N4BP2L1: variants seen among roughly 807,000 people sequenced by gnomAD.
The protein encoded by N4BP2L1 is NEDD4 binding protein 2 like 1, also known as NEDD4-binding protein 2-like 1.
Under a neutral mutation model 21.2 loss-of-function variants are expected in N4BP2L1, and 12 were observed. The ratio of observed to expected loss-of-function variants is 0.57; its 90% CI spans 0.36 to 0.92. The LOEUF is 0.92. Ranked by LOEUF, N4BP2L1 falls within the 40% of genes least tolerant of loss-of-function variation. The pLI, the probability that N4BP2L1 is intolerant of heterozygous loss-of-function variation, is 0.01. For missense variants in N4BP2L1, 259 were observed against 310.6 expected, an observed-to-expected ratio of 0.83 and a Z score of 1.25; for synonymous variants, 104 against 112.8, an observed-to-expected ratio of 0.92 and a Z score of 0.49.
In N4BP2L1 at chr13:32,403,168, AT is replaced by A; in HGVS notation, c.505del (p.Ile169SerfsTer4). 1.9e-6 allele frequency: 3 copies of A among 1,608,784 alleles called. No individual in the cohort carries two copies. The highest frequency in any genetic ancestry group is 2.5e-6 in the Non-Finnish European group (3 of 1,176,950). On this transcript the variant is annotated frameshift_variant, in exon 5 of 5. Transcript: ENST00000380130. LOFTEE classifies it low-confidence loss of function (END_TRUNC). The part of the protein sequence containing the change: ...RNIHGVSREK[I>X]HRMKERYEHD... ...TTCATACCGTTCTTTCATTCGGTGG[AT>A]TTTTTCTCTTGAGACACCATGAATG... is the stretch of plus-strand genomic sequence containing the variant.
chr13:32,411,820 T>G, intron 1 of N4BP2L1: 1 of 965,186 alleles, frequency 1.0e-6, no homozygotes, highest in Non-Finnish European at 1.2e-6. Context: ...CTTCAGCCAG[T>G]CAGTCACTCA....
At chr13:32,426,341 T>C (rs2074761937) in intron 1 of N4BP2L1, among the ~76,000 whole-genome samples, 1 of 152,186 alleles carries the variant, frequency 6.6e-6, no homozygotes, top group African/African-American at 2.4e-5. Context: ...GTAACAGATT[T>C]ACCCACCATG....
chr13:32,403,176 T>C lies in N4BP2L1; in HGVS notation c.498A>G (p.Arg166=). ...LARRNIHGVS[R]EKIHRMKERY... ...GTTCTTTCATTCGGTGGATTTTTTC[T>C]CTTGAGACACCATGAATGTTTCTTC... Residue 166 remains arginine, a synonymous_variant, in exon 5 of 5, where the codon AGA becomes AGG. Transcript: ENST00000380130. 6.2e-7 allele frequency: 1 copy of C among 1,608,002 alleles called. No homozygotes were observed. The highest frequency in any genetic ancestry group is 1.1e-5 in the South Asian group (1 of 90,298).
intron 1 of N4BP2L1, among the ~76,000 whole-genome samples, chr13:32,412,840 T>C (rs752879375): frequency 1.4e-4 from 22 of 152,182 alleles, no homozygotes; most frequent in Non-Finnish European, 1.9e-4. Context: ...GCAGGGCCTG[T>C]CATCCTGAAA....
At chr13:32,422,635 T>C (rs547527220) in intron 1 of N4BP2L1, among the ~76,000 whole-genome samples, 3 of 152,212 alleles carry the variant, frequency 2.0e-5, no homozygotes, top group African/African-American at 7.2e-5. Context: ...ATCTCCTGTA[T>C]AGCTGGGCAA....
intron 1 of N4BP2L1, among the ~76,000 whole-genome samples, chr13:32,420,028 T>C (rs1291211191): frequency 6.6e-6 from 1 of 152,134 alleles, no homozygotes; most frequent in Admixed American, 6.5e-5. Context: ...GGCCAAGTCC[T>C]GTCCTTGGAG....
chr13:32,413,267 A>G (rs1036887382), intron 1 of N4BP2L1, among the ~76,000 whole-genome samples: 3 of 152,112 alleles, frequency 2.0e-5, no homozygotes, highest in Non-Finnish European at 2.9e-5. Flanking sequence ...AAATTCCCCA[A>G]TGGTCTCAAG....
chr13:32,405,355 CA>C (rs1457418106), intron 3 of N4BP2L1, among the ~76,000 whole-genome samples: 1 of 152,046 alleles, frequency 6.6e-6, no homozygotes, highest in Non-Finnish European at 1.5e-5. Flanking sequence ...ACTAAAAATA[CA>C]AATACTAGCC....
chr13:32,411,684 C>T lies in N4BP2L1; in HGVS notation c.180-3912G>A, dbSNP rs1043535018. The T allele has an allele frequency of 1.1e-5, 11 of 984,996 alleles. No individual in the cohort carries two copies. The Admixed American group carries it at 3.1e-4, about 28-fold the overall frequency. The allele number at this position is 984,996 out of a possible 1,614,324, so 61.0% of individuals were successfully genotyped here. A position where few individuals can be genotyped will look rare whatever the true frequency, so the allele number is the denominator to read the frequency against. ...TATAACCTTCACCTCCCACAACCCCCGCTCAAATTCATTTAAAATCACTAT... is the reference window on the plus strand; with the variant it reads ...TATAACCTTCACCTCCCACAACCCCTGCTCAAATTCATTTAAAATCACTAT... On this transcript the variant is annotated intron_variant, in intron 1 of 4. Coordinates refer to ENST00000380130, the MANE Select transcript of N4BP2L1 (RefSeq NM_052818.3).
upstream of N4BP2L1, among the ~76,000 whole-genome samples, chr13:32,429,441 TA>T (rs1164427400): frequency 6.6e-6 from 1 of 152,226 alleles, no homozygotes; most frequent in Non-Finnish European, 1.5e-5. Context: ...AAAATATACA[TA>T]AATCGTAAAA....
Position 32,427,916 on chromosome 13 carries a change from GTTT to G in N4BP2L1, c.164_166del (p.Lys55del). On this transcript the variant is annotated inframe_deletion, in exon 1 of 5. Transcript: ENST00000380130. Reference sequence around the variant, plus strand: ...CCGCTGTCATTACCTGGCCAGTGTAGTTTTCCCGGAGCCCGGGAGGCCTCGCAG... The same window carrying G: ...CCGCTGTCATTACCTGGCCAGTGTAGTCCCGGAGCCCGGGAGGCCTCGCAG... The G allele has an allele frequency of 2.0e-6, 3 of 1,518,598 alleles. No homozygotes were observed. Among genetic ancestry groups the G allele is most frequent in the Non-Finnish European group, 1.8e-6 (2 of 1,132,160 alleles). 94.1% of individuals were successfully genotyped at this position (1,518,598 alleles called of 1,614,324 possible). A position where few individuals can be genotyped will look rare whatever the true frequency, so the allele number is the denominator to read the frequency against.
At chr13:32,410,570 C>A (rs2073802020) in intron 1 of N4BP2L1, among the ~76,000 whole-genome samples, 1 of 152,130 alleles carries the variant, frequency 6.6e-6, no homozygotes, top group African/African-American at 2.4e-5. Flanking sequence ...GTCTGTTATT[C>A]GACTTCTTTA....
chr13:32,407,098 C>T (rs1456470831), intron 3 of N4BP2L1, 152 bp downstream of exon 3: 2 of 711,074 alleles, frequency 2.8e-6, no homozygotes, highest in African/African-American at 3.6e-5. Context: ...AGCAGAGAAA[C>T]ACTAAAATAA....
rs1225170078 is a variant in N4BP2L1 at position 32,427,923 on chromosome 13, C to T, written c.160G>A (p.Gly54Arg). The change falls in exon 1 of 5, where the codon GGG becomes AGG. Residue 54 changes from glycine to arginine, a missense_variant. By Grantham distance (125) the Gly-to-Arg change is moderately radical. This residue lies in a region of N4BP2L1 where 91 missense variants were observed against 148.1 expected (regional missense o/e 0.61). Coordinates refer to ENST00000380130, the MANE Select transcript of N4BP2L1 (RefSeq NM_052818.3). The stretch of plus-strand genomic sequence containing the variant: ...CATTACCTGGCCAGTGTAGTTTTCC[C>T]GGAGCCCGGGAGGCCTCGCAGGAGG... Reference protein sequence around the residue: ...LYLLRGLPGSGKTTLARQLQH... With the variant: ...LYLLRGLPGSRKTTLARQLQH... 4 of 1,520,244 alleles carry T rather than the reference C, an allele frequency of 2.6e-6. No individual in the cohort carries two copies. Among genetic ancestry groups the T allele is most frequent in the Non-Finnish European group, 2.6e-6 (3 of 1,132,878 alleles). 94.2% of individuals were successfully genotyped at this position (1,520,244 alleles called of 1,614,324 possible).
At chr13:32,422,027 T>C (rs1466269921) in intron 1 of N4BP2L1, among the ~76,000 whole-genome samples, 2 of 152,288 alleles carry the variant, frequency 1.3e-5, no homozygotes, top group South Asian at 2.1e-4. Flanking sequence ...AGTTGGAAGT[T>C]GACTACCACA....
At chr13:32,419,748 CA>C (rs1339978887) in intron 1 of N4BP2L1, among the ~76,000 whole-genome samples, 1 of 152,134 alleles carries the variant, frequency 6.6e-6, no homozygotes, top group Non-Finnish European at 1.5e-5. Flanking sequence ...ATAAATTATC[CA>C]GTTTTGGGTA....
intron 3 of N4BP2L1, among the ~76,000 whole-genome samples, chr13:32,405,497 G>A (rs893095550): frequency 1.3e-5 from 2 of 152,114 alleles, no homozygotes; most frequent in Non-Finnish European, 2.9e-5. Context: ...GAGACAGAGC[G>A]AGACTCTCTC....
rs56406506 is a variant in N4BP2L1, at chr13:32,406,847, C to T, written c.396+403G>A. 6.5e-3 allele frequency: 1,118 copies of T among 170,714 alleles called. 17 individuals carry two copies. The highest frequency in any genetic ancestry group is 0.025 in the African/African-American group (1,057 of 41,820). 10.6% of individuals were successfully genotyped at this position (170,714 alleles called of 1,614,324 possible). On this transcript the variant is annotated intron_variant, in intron 3 of 4. Transcript: ENST00000380130. ...CAACAGCACACAGTGTGGAAATTCCCGGCTCACCAGAGGCAGAACCGTCCT... is the reference window on the plus strand; with the variant it reads ...CAACAGCACACAGTGTGGAAATTCCTGGCTCACCAGAGGCAGAACCGTCCT...
Position 32,402,512 on chromosome 13 carries a change from T to C in N4BP2L1, c.*430A>G. The C allele has an allele frequency of 2.1e-5, 6 of 280,218 alleles. No homozygotes were observed. The highest frequency in any genetic ancestry group is 2.5e-5 in the Non-Finnish European group (6 of 236,396). The allele number at this position is 280,218 out of a possible 1,614,324, so 17.4% of individuals were successfully genotyped here. A position where few individuals can be genotyped will look rare whatever the true frequency, so the allele number is the denominator to read the frequency against. On this transcript the variant is annotated 3_prime_UTR_variant, in exon 5 of 5. Coordinates refer to ENST00000380130, the MANE Select transcript of N4BP2L1 (RefSeq NM_052818.3). ...AAAGTAGCAATGGCACTTTGATAAG[T>C]AGCAATGCCCCCCCACCACTTCTCT...
Sources: allele counts gnomAD v4.1 joint callset (sites outside exome capture counted in the v4.1 genomes callset), GRCh38; gene constraint gnomAD v4.1.1; regional missense constraint gnomAD v4.1.1; transcripts MANE v1.5; gene names NCBI Gene and HGNC (gene_info 2026-07-23, HGNC 2026-07-21).